Variants in ADAMTS9 observed in about 807,000 individuals in gnomAD.
ADAMTS9 encodes A disintegrin and metalloproteinase with thrombospondin motifs 9.
Under a neutral mutation model 257.1 loss-of-function variants are expected in ADAMTS9, and 107 were observed. That is an observed-to-expected ratio of 0.42 (90% CI 0.36 to 0.49). The LOEUF (loss-of-function observed/expected upper bound fraction) is 0.49, where lower values mean the gene tolerates loss of function less well. Ranked by LOEUF, ADAMTS9 falls within the 20% of genes least tolerant of loss-of-function variation. The pLI is 0.03. For synonymous variants in ADAMTS9, 982 were observed against 880.9 expected (o/e 1.11, Z -2.03); for missense variants, 2,353 against 2,469.1 (o/e 0.95, Z 1.00).
chr3:64,621,343 A>C, intron 18 of ADAMTS9, 103 bp from the exon 19 acceptor site: 3 of 1,321,576 alleles, frequency 2.3e-6, no homozygotes, highest in Non-Finnish European at 3.1e-6. Context: ...CCAGACAGTA[A>C]ATATCTTCAG....
intron 10 of ADAMTS9, among the ~76,000 whole-genome samples, chr3:64,648,566 T>TA (rs1374618565): frequency 2.0e-5 from 3 of 152,244 alleles, no homozygotes; most frequent in Non-Finnish European, 2.9e-5. Flanking sequence ...AAAGATTTTT[T>TA]ATCTTTCCTA....
At chr3:64,648,329 CT>C (rs1700847487) in intron 10 of ADAMTS9, among the ~76,000 whole-genome samples, 1 of 152,170 alleles carries the variant, frequency 6.6e-6, no homozygotes, top group African/African-American at 2.4e-5. Context: ...CTTTCCCTTC[CT>C]TTTCCTACCA....
intron 37 of ADAMTS9, among the ~76,000 whole-genome samples, chr3:64,536,244 T>A (rs1428760860): frequency 1.3e-5 from 2 of 152,186 alleles, no homozygotes; most frequent in African/African-American, 4.8e-5. Context: ...TCAGCAAATG[T>A]CCTAGCTGAT....
chr3:64,621,378 T>C (rs1205451757), intron 18 of ADAMTS9, 138 bp from the exon 19 acceptor site: 1 of 1,037,376 alleles, frequency 9.6e-7, no homozygotes, highest in African/African-American at 1.6e-5. Flanking sequence ...GTTGCACTAT[T>C]CAACCCTGAC....
intron 28 of ADAMTS9, among the ~76,000 whole-genome samples, chr3:64,578,586 T>C (rs2083916662): frequency 6.6e-6 from 1 of 152,212 alleles, no homozygotes; most frequent in South Asian, 2.1e-4. Flanking sequence ...GCTTAACCAC[T>C]GCAAACATCT....
intron 10 of ADAMTS9, 69 bp from the exon 11 acceptor site, chr3:64,648,113 C>CT: frequency 4.2e-6 from 6 of 1,412,010 alleles, no homozygotes; most frequent in Non-Finnish European, 5.8e-6. Flanking sequence ...CAAAGCAAAG[C>CT]TTGCTTTCAA....
intron 30 of ADAMTS9, among the ~76,000 whole-genome samples, chr3:64,556,547 C>T (rs2083335209): frequency 6.6e-6 from 1 of 152,188 alleles, no homozygotes; most frequent in African/African-American, 2.4e-5. Flanking sequence ...GTCTCAAACT[C>T]TGGGGCTCAA....
intron 22 of ADAMTS9, among the ~76,000 whole-genome samples, chr3:64,609,632 A>C (rs1376527695): frequency 1.3e-5 from 2 of 152,202 alleles, no homozygotes; most frequent in Non-Finnish European, 2.9e-5. Flanking sequence ...AAATTAAAGA[A>C]GACCTAAATA....
chr3:64,651,699 G>T lies in ADAMTS9; in HGVS notation c.1317-536C>A, dbSNP rs116487685. 4.0e-3 allele frequency among the ~76,000 whole-genome samples: 611 copies of T among 152,288 alleles called. 5 individuals carry two copies. The highest frequency in any genetic ancestry group is 0.014 in the African/African-American group (577 of 41,556). On this transcript the variant is annotated intron_variant, in intron 8 of 39. Transcript: ENST00000498707. Reference sequence around the variant, plus strand: ...CGTAGGTATATCATTCTAAAGGCATGCAAAGTTTGTGCACAATAAAACCCA... The same window carrying T: ...CGTAGGTATATCATTCTAAAGGCATTCAAAGTTTGTGCACAATAAAACCCA...
chr3:64,549,915 T>A (rs1433679915), intron 31 of ADAMTS9, among the ~76,000 whole-genome samples: 1 of 152,230 alleles, frequency 6.6e-6, no homozygotes, highest in Admixed American at 6.5e-5. Context: ...ACACATCATC[T>A]AAATGCAAAT....
chr3:64,536,054 C>T (rs550188945), intron 37 of ADAMTS9, among the ~76,000 whole-genome samples: 4 of 152,150 alleles, frequency 2.6e-5, no homozygotes, highest in Non-Finnish European at 5.9e-5. Context: ...GAGGTCCAGG[C>T]GGCTGACCCA....
intron 17 of ADAMTS9, 44 bp from the exon 18 acceptor site, chr3:64,622,371 T>C (rs1250291143): frequency 1.2e-6 from 2 of 1,612,612 alleles, no homozygotes; most frequent in East Asian, 2.2e-5. Context: ...GTGGGCTTAG[T>C]AATGCCAAGC....
chr3:64,594,618 T>C (rs181081438), intron 27 of ADAMTS9, among the ~76,000 whole-genome samples, 184 bp from the exon 28 acceptor site: 1 of 152,314 alleles, frequency 6.6e-6, no homozygotes, highest in East Asian at 1.9e-4. Flanking sequence ...CCTACTTTAA[T>C]GGCAGGTATT....
chr3:64,678,581 C>T (rs1190542877), intron 3 of ADAMTS9, among the ~76,000 whole-genome samples: 1 of 152,136 alleles, frequency 6.6e-6, no homozygotes, highest in Admixed American at 6.5e-5. Flanking sequence ...CTTTTGGTTA[C>T]CAACCACTGC....
At chr3:64,633,942 C>T (rs78997424) in intron 12 of ADAMTS9, 63 bp from the exon 13 acceptor site, 1 of 1,414,494 alleles carries the variant, frequency 7.1e-7, no homozygotes, top group Non-Finnish European at 9.7e-7. Flanking sequence ...CTGAACATCA[C>T]TCCTTCATTC....
chr3:64,604,028 C>T lies in ADAMTS9; in HGVS notation c.3641G>A (p.Gly1214Asp). Reference protein sequence around the residue: ...MRYVSCRDENGSVADESACAT... With the variant: ...MRYVSCRDENDSVADESACAT... ...ACAGGCACTCTCGTCAGCCACAGAG[C>T]CATTCTCATCTCGGCAGCTGACGTA... Residue 1214 changes from glycine (G) to aspartate (D), a missense_variant, in exon 25 of 40, where the codon GGC becomes GAC. Around this residue, in one of 3 missense-constraint regions of ADAMTS9, gnomAD observed 1,402 missense variants for 1,441.4 expected, o/e 0.97. Transcript: ENST00000498707. 1 of 1,614,086 alleles carries T rather than the reference C, an allele frequency of 6.2e-7. No individual in the cohort carries two copies. Among genetic ancestry groups the T allele is most frequent in the Non-Finnish European group, 8.5e-7 (1 of 1,180,000 alleles).
chr3:64,650,058 T>A (rs1700893522), intron 9 of ADAMTS9: 1 of 318,288 alleles, frequency 3.1e-6, no homozygotes, highest in South Asian at 7.8e-5. Flanking sequence ...TGTTTATGTT[T>A]GACTATCTTT....
chr3:64,622,484 C>A lies in ADAMTS9; in HGVS notation c.2492G>T (p.Gly831Val). 6.2e-7 allele frequency: 1 copy of A among 1,614,022 alleles called. No individual in the cohort carries two copies. Reference sequence around the variant, plus strand: ...AATTCTTTCTACGGCAGTCTCGGACCCACTGTACTCTACCACAGCATTCCC... The same window carrying A: ...AATTCTTTCTACGGCAGTCTCGGACACACTGTACTCTACCACAGCATTCCC... ...RIGNAVVEYS[G>V]SETAVERINS... is the part of the protein sequence containing the mutation. The change falls in exon 17 of 40, where the codon GGG (glycine) becomes GTG (valine). Residue 831 changes from glycine (G) to valine (V), a missense_variant. Around this residue, in one of 3 missense-constraint regions of ADAMTS9, gnomAD observed 1,402 missense variants for 1,441.4 expected, o/e 0.97. Transcript: ENST00000498707.
intron 38 of ADAMTS9, among the ~76,000 whole-genome samples, chr3:64,523,005 AAAAATTTAG>A (rs2082871328): frequency 6.6e-6 from 1 of 152,236 alleles, no homozygotes; most frequent in Admixed American, 6.5e-5. Context: ...AACAATGGTC[AAAAATTTAG>A]AAAATTTAAA....
Sources: allele counts gnomAD v4.1 joint callset (sites outside exome capture counted in the v4.1 genomes callset), GRCh38; gene constraint gnomAD v4.1.1; regional missense constraint gnomAD v4.1.1; transcripts MANE v1.5; gene names NCBI Gene and HGNC (gene_info 2026-07-23, HGNC 2026-07-21).